The following SLC17A1 variants were observed in gnomAD, a reference collection of about 807,000 sequenced individuals.
SLC17A1 encodes the protein solute carrier family 17 member 1.
Under a neutral mutation model 53.5 loss-of-function variants are expected in SLC17A1, and 51 were observed. That is an observed-to-expected ratio of 0.95 (90% CI 0.76 to 1.20). SLC17A1 has a LOEUF of 1.20. Among genes scored for constraint, SLC17A1 ranks in the 50% most tolerant of loss-of-function variants. The pLI is 0.00. For synonymous variants in SLC17A1, 179 were observed against 198.8 expected, an observed-to-expected ratio of 0.90 and a Z score of 0.84; for missense variants, 538 against 568.2, an observed-to-expected ratio of 0.95 and a Z score of 0.54.
chr6:25,755,250 G>T, the SLC17A1 span, among the ~76,000 whole-genome samples: 8 of 152,118 alleles, frequency 5.3e-5, no homozygotes, highest in African/African-American at 1.9e-4. Flanking sequence ...AAAAATTAAT[G>T]AAAACCAAAC....
the SLC17A1 span, chr6:25,773,586 C>A: frequency 6.2e-7 from 1 of 1,613,990 alleles, no homozygotes; most frequent in Non-Finnish European, 8.5e-7. Context: ...ATTTTAGTCT[C>A]TTATTTCTGT....
At chr6:25,772,928 G>A in the SLC17A1 span, among the ~76,000 whole-genome samples, 1 of 152,188 alleles carries the variant, frequency 6.6e-6, no homozygotes, top group Non-Finnish European at 1.5e-5. Context: ...GGACAGCTGG[G>A]TGGCTCCACT....
At chr6:25,793,225 A>G (rs181422920) in intron 12 of SLC17A1, among the ~76,000 whole-genome samples, 18 of 152,278 alleles carry the variant, frequency 1.2e-4, no homozygotes, top group African/African-American at 3.4e-4. Flanking sequence ...TATGCTTGGA[A>G]TACTCTTTCC....
At chr6:25,779,109 C>T (rs111601146), downstream of SLC17A1, 1,401 of 1,613,856 alleles carry the variant, frequency 8.7e-4, 9 homozygotes, top group African/African-American at 0.015. Flanking sequence ...GTTAACATAT[C>T]GGGCCTGGTT....
the SLC17A1 span, among the ~76,000 whole-genome samples, chr6:25,749,527 CAAGTGAGTTTGATAT>C: frequency 2.6e-5 from 4 of 152,194 alleles, no homozygotes; most frequent in Non-Finnish European, 5.9e-5. Context: ...AAACTCAATA[CAAGTGAGTTTGATAT>C]CAAATTAGAC....
chr6:25,787,041 GAAATAAAT>G lies in SLC17A1; in HGVS notation c.*3-3831_*3-3824del, dbSNP rs3034353. ...TTACTACCTAAGAGGGCTTAACAAG[GAAATAAAT>G]AAATAAATAAATAAATAAATAAATA... On this transcript the variant is annotated intron_variant, in intron 12 of 12. Coordinates refer to ENST00000244527, the MANE Select transcript of SLC17A1 (RefSeq NM_005074.5). Among the ~76,000 whole-genome samples, 1,350 of 149,454 alleles carry G rather than the reference GAAATAAAT, an allele frequency of 9.0e-3. 25 individuals are homozygous for G. The highest frequency in any genetic ancestry group is 0.066 in the East Asian group (341 of 5,152).
chr6:25,760,791 G>A, the SLC17A1 span, among the ~76,000 whole-genome samples: 1 of 152,028 alleles, frequency 6.6e-6, no homozygotes, highest in East Asian at 1.9e-4. Flanking sequence ...TGTATTTCAA[G>A]TAGTATCTTT....
chr6:25,779,089 T>C, downstream of SLC17A1: 1 of 1,613,868 alleles, frequency 6.2e-7, no homozygotes, highest in Non-Finnish European at 8.5e-7. Context: ...TCTTCTTGCT[T>C]TCAGCTGCTG....
At chr6:25,768,868 CTG>C in the SLC17A1 span, 2 of 947,440 alleles carry the variant, frequency 2.1e-6, no homozygotes, top group Non-Finnish European at 3.2e-6. Context: ...AGAGGAATGT[CTG>C]CTCTCCCTAT....
At chr6:25,779,164 A>G (rs9358890), downstream of SLC17A1, 120,631 of 1,613,766 alleles carry the variant, frequency 0.075, 12,323 homozygotes, top group East Asian at 0.56. Context: ...ACTGGGCTAA[A>G]GAGCAGACAT....
chr6:25,753,557 A>T, the SLC17A1 span, among the ~76,000 whole-genome samples: 1 of 152,164 alleles, frequency 6.6e-6, no homozygotes, highest in Non-Finnish European at 1.5e-5. Context: ...ATAGGAATGG[A>T]GAAAATAAAA....
chr6:25,772,812 G>A, the SLC17A1 span, among the ~76,000 whole-genome samples: 1 of 152,140 alleles, frequency 6.6e-6, no homozygotes, highest in East Asian at 1.9e-4. Context: ...GGGCAAACAC[G>A]CTACTAACTT....
chr6:25,824,521 A>G (rs548172583), intron 3 of SLC17A1, among the ~76,000 whole-genome samples: 2 of 152,028 alleles, frequency 1.3e-5, no homozygotes, highest in South Asian at 4.1e-4. Flanking sequence ...ACATATAGAT[A>G]CATAAAATGA....
downstream of SLC17A1, among the ~76,000 whole-genome samples, chr6:25,781,800 C>G (rs1763274671): frequency 6.6e-6 from 1 of 152,114 alleles, no homozygotes; most frequent in South Asian, 2.1e-4. Context: ...ACCCTTATGA[C>G]ACAAACACCT....
At chr6:25,790,665 A>G (rs2151475601) in intron 12 of SLC17A1, among the ~76,000 whole-genome samples, 1 of 152,302 alleles carries the variant, frequency 6.6e-6, no homozygotes, top group Middle Eastern at 3.4e-3. Context: ...CTCAATTTCT[A>G]TTCTTGGTTT....
chr6:25,724,707 C>T, the SLC17A1 span, among the ~76,000 whole-genome samples: 1 of 152,196 alleles, frequency 6.6e-6, no homozygotes, highest in African/African-American at 2.4e-5. Context: ...AAAGTATCTA[C>T]ATTAATTACT....
At chr6:25,726,270 T>C in the SLC17A1 span, 6 of 1,614,014 alleles carry the variant, frequency 3.7e-6, no homozygotes, top group South Asian at 3.3e-5. Flanking sequence ...TGCGGATCGC[T>C]AGCTGCAGGT....
chr6:25,792,625 T>C (rs1171023211), intron 12 of SLC17A1, among the ~76,000 whole-genome samples: 2 of 152,200 alleles, frequency 1.3e-5, no homozygotes, highest in Non-Finnish European at 2.9e-5. Flanking sequence ...CCTTTTGATC[T>C]CTGAAACGTT....
In SLC17A1 at chr6:25,811,521, C is replaced by G. The variant is rs773928894; in HGVS notation, c.1055G>C (p.Gly352Ala). The change falls in exon 10 of 13, where the codon GGT (glycine) becomes GCT (alanine). Residue 352 changes from glycine to alanine, a missense_variant. Physicochemically the swap from Gly to Ala is moderately conservative, Grantham distance 60. Transcript: ENST00000244527. ...GGAACTCAGGTAAGGCAGGCAGACA[C>G]CAAAGATTGCAGGAAGGAGAAATCC... is the stretch of plus-strand genomic sequence containing the variant. ...AAGFLLPAIF[G>A]VCLPYLSSTF... 19 of 1,613,676 alleles carry G rather than the reference C, an allele frequency of 1.2e-5. No individual in the cohort carries two copies. The highest frequency in any genetic ancestry group is 1.5e-5 in the Non-Finnish European group (18 of 1,179,898).
Sources: allele counts gnomAD v4.1 joint callset (sites outside exome capture counted in the v4.1 genomes callset), GRCh38; gene constraint gnomAD v4.1.1; transcripts MANE v1.5; gene names NCBI Gene and HGNC (gene_info 2026-07-23, HGNC 2026-07-21).